ADGRB3: variants seen among roughly 807,000 people sequenced by gnomAD.
ADGRB3 encodes the protein adhesion G protein-coupled receptor B3, also known as brain-specific angiogenesis inhibitor 3.
ADGRB3 carries 37 observed loss-of-function variants against 193.4 expected under a neutral mutation model. That is an observed-to-expected ratio of 0.19 (90% CI 0.15 to 0.25). The LOEUF (loss-of-function observed/expected upper bound fraction) is 0.25, where lower values mean the gene tolerates loss of function less well. Among genes scored for constraint, ADGRB3 ranks in the 10% least tolerant of loss-of-function variants. The probability of loss-of-function intolerance (pLI) is 1.00; values close to 1 mark genes in which losing one functional copy is unlikely to be tolerated. For missense variants in ADGRB3, 1,637 were observed against 1,852.9 expected (o/e 0.88, Z 2.14); for synonymous variants, 690 against 644.2 (o/e 1.07, Z -1.08).
chr6:69,244,002 G>A (rs1304634485), intron 20 of ADGRB3, among the ~76,000 whole-genome samples: 1 of 152,042 alleles, frequency 6.6e-6, no homozygotes, highest in Non-Finnish European at 1.5e-5. Context: ...TGACCTAGGA[G>A]TAAAGCAAAA....
At chr6:68,793,104 T>C (rs1767141734) in intron 3 of ADGRB3, among the ~76,000 whole-genome samples, 1 of 152,200 alleles carries the variant, frequency 6.6e-6, no homozygotes, top group Non-Finnish European at 1.5e-5. Context: ...TTTGCGATCC[T>C]GATAAACCTA....
Position 68,732,911 on chromosome 6 carries a change from CCA to C in ADGRB3, c.757+93480_757+93481del, listed in dbSNP as rs371965896. Among the ~76,000 whole-genome samples, 191 of 152,022 alleles carry C rather than the reference CCA, an allele frequency of 1.3e-3. 2 individuals are homozygous for C. The highest frequency in any genetic ancestry group is 4.3e-3 in the African/African-American group (178 of 41,528). On this transcript the variant is annotated intron_variant, in intron 3 of 31. Transcript: ENST00000370598. ...TTGTTAAAGGTCCCTGGACCCCACTCCAGAGTTTCTGATCCAGTAAGATTGGA... is the reference window on the plus strand; with the variant it reads ...TTGTTAAAGGTCCCTGGACCCCACTCGAGTTTCTGATCCAGTAAGATTGGA...
At chr6:68,800,119 G>A (rs1203158547) in intron 3 of ADGRB3, among the ~76,000 whole-genome samples, 1 of 152,096 alleles carries the variant, frequency 6.6e-6, no homozygotes, top group Non-Finnish European at 1.5e-5. Flanking sequence ...GGATATCATG[G>A]TGTCTTGGAC....
chr6:69,085,810 C>G (rs549440973), intron 17 of ADGRB3, among the ~76,000 whole-genome samples: 204 of 151,610 alleles, frequency 1.3e-3, no homozygotes, highest in Non-Finnish European at 2.0e-3. Context: ...AAAATTCTTA[C>G]TAATATATTT....
At chr6:69,252,430 T>C (rs1177529607) in intron 20 of ADGRB3, among the ~76,000 whole-genome samples, 2 of 152,052 alleles carry the variant, frequency 1.3e-5, no homozygotes, top group African/African-American at 4.8e-5. Context: ...AGGAGTAAAA[T>C]TGTTGGGTAT....
At chr6:69,188,574 G>C (rs577576933) in intron 17 of ADGRB3, among the ~76,000 whole-genome samples, 4 of 152,292 alleles carry the variant, frequency 2.6e-5, no homozygotes, top group Admixed American at 2.6e-4. Flanking sequence ...CTTCCAAAGT[G>C]CTGGTATTAA....
intron 23 of ADGRB3, chr6:69,332,284 A>G: frequency 1.0e-6 from 1 of 984,204 alleles, no homozygotes. Flanking sequence ...AAAGTCTTAG[A>G]AAGAAAATGA....
At chr6:69,384,220 T>G (rs1328501743) in intron 31 of ADGRB3, among the ~76,000 whole-genome samples, 1 of 152,044 alleles carries the variant, frequency 6.6e-6, no homozygotes. Flanking sequence ...GGTCTCTTAA[T>G]AGTTTCATGT....
chr6:69,267,278 A>G (rs6901301), intron 20 of ADGRB3, among the ~76,000 whole-genome samples: 7,543 of 152,184 alleles, frequency 0.05, 229 homozygotes, highest in Non-Finnish European at 0.072. Context: ...GGACCTGTCC[A>G]AATTGTTGGT....
intron 3 of ADGRB3, among the ~76,000 whole-genome samples, chr6:68,791,050 A>AC (rs1554194902): frequency 0.62 from 70,173 of 113,384 alleles, 17,518 homozygotes; most frequent in East Asian, 0.83. Flanking sequence ...CACATCTCTT[A>AC]AAAAAAAAAA....
intron 17 of ADGRB3, among the ~76,000 whole-genome samples, chr6:69,193,576 A>G (rs1765239839): frequency 6.6e-6 from 1 of 152,112 alleles, no homozygotes; most frequent in Admixed American, 6.6e-5. Context: ...CTGTCCTGAC[A>G]CTATAACACC....
At chr6:68,671,714 T>TTTTTG (rs1257481615) in intron 3 of ADGRB3, among the ~76,000 whole-genome samples, 1 of 151,928 alleles carries the variant, frequency 6.6e-6, no homozygotes, top group Admixed American at 6.6e-5. Flanking sequence ...GGCCTGTAGG[T>TTTTTG]TTTTGTTTTG....
At chr6:69,112,393 A>G (rs2150326028) in intron 17 of ADGRB3, among the ~76,000 whole-genome samples, 1 of 152,334 alleles carries the variant, frequency 6.6e-6, no homozygotes, top group South Asian at 2.1e-4. Context: ...AAACTTAGTC[A>G]AAATCATATG....
In ADGRB3 at chr6:69,388,944, A is replaced by G. The variant is rs1356515848; in HGVS notation, c.*53A>G. On this transcript the variant is annotated 3_prime_UTR_variant, in exon 32 of 32. Coordinates refer to ENST00000370598, the MANE Select transcript of ADGRB3 (RefSeq NM_001704.3). ...CAAAACTTTATTGCACTGACACTTAAGACTTGGGAAGCCTGACATTTCTAT... is the reference window on the plus strand; with the variant it reads ...CAAAACTTTATTGCACTGACACTTAGGACTTGGGAAGCCTGACATTTCTAT... 2.0e-6 allele frequency: 3 copies of G among 1,520,704 alleles called. No homozygotes were observed. The highest frequency in any genetic ancestry group is 1.4e-5 in the African/African-American group (1 of 71,812). The allele number at this position is 1,520,704 out of a possible 1,614,324, so 94.2% of individuals were successfully genotyped here.
chr6:68,827,698 G>A (rs1413655956), intron 3 of ADGRB3, among the ~76,000 whole-genome samples: 2 of 151,960 alleles, frequency 1.3e-5, no homozygotes, highest in Admixed American at 1.3e-4. Context: ...TTGTGGTTTG[G>A]GCTTTTAGGG....
chr6:69,312,881 A>C (rs1450701834), intron 20 of ADGRB3, among the ~76,000 whole-genome samples: 2 of 151,754 alleles, frequency 1.3e-5, no homozygotes, highest in Admixed American at 6.6e-5. Flanking sequence ...GTCTAGATAA[A>C]TTACTGTAAC....
At chr6:69,317,533 T>C (rs998170752) in intron 20 of ADGRB3, among the ~76,000 whole-genome samples, 1 of 151,474 alleles carries the variant, frequency 6.6e-6, no homozygotes, top group African/African-American at 2.4e-5. Flanking sequence ...AACCATTCTT[T>C]TTCAGCCCCA....
chr6:69,093,137 G>A (rs572198105), intron 17 of ADGRB3, among the ~76,000 whole-genome samples: 1 of 151,442 alleles, frequency 6.6e-6, no homozygotes, highest in East Asian at 2.0e-4. Context: ...GAGATAGAGG[G>A]GACTGGAAGC....
intron 11 of ADGRB3, among the ~76,000 whole-genome samples, chr6:69,012,169 A>G (rs1769957466): frequency 6.6e-6 from 1 of 152,046 alleles, no homozygotes; most frequent in South Asian, 2.1e-4. Flanking sequence ...TCACCGACCC[A>G]CTGTCAGCAA....
Sources: gnomAD v4.1 joint callset for allele counts (sites outside exome capture counted in the v4.1 genomes callset) on GRCh38, gnomAD v4.1.1 for gene constraint, MANE v1.5 for transcripts, NCBI Gene and HGNC (gene_info 2026-07-23, HGNC 2026-07-21) for gene names.